Variants in BMERB1 observed in about 807,000 individuals in gnomAD.
BMERB1 encodes bMERB domain-containing protein 1.
A neutral mutation model predicts 23.6 loss-of-function variants in BMERB1; 12 were observed. The ratio of observed to expected loss-of-function variants is 0.51; its 90% CI spans 0.33 to 0.82. BMERB1 has a LOEUF of 0.82. Ranked by LOEUF, BMERB1 falls within the 40% of genes least tolerant of loss-of-function variation. The pLI is 0.03. For synonymous variants in BMERB1, 122 were observed against 96.6 expected (o/e 1.26, Z -1.54); for missense variants, 247 against 255.4 (o/e 0.97, Z 0.22).
At chr16:15,559,949 C>CA (rs1046641467) in intron 2 of BMERB1, among the ~76,000 whole-genome samples, 34 of 152,018 alleles carry the variant, frequency 2.2e-4, no homozygotes, top group East Asian at 7.7e-4. Context: ...AAATCACACA[C>CA]AAAAAAAATC....
At position 15,531,714 on chromosome 16, in the gene BMERB1, C is replaced by T. The variant is rs75171873; in HGVS notation, c.230+16286C>T. On this transcript the variant is annotated intron_variant, in intron 2 of 5. Coordinates refer to ENST00000300006, the MANE Select transcript of BMERB1 (RefSeq NM_033201.3). ...ATAGATACCAGTAAATTGCATGTAC[C>T]GTGGCCTGGCGATTAAGGGTTTTTC... Among the ~76,000 whole-genome samples the T allele has an allele frequency of 1.7e-3, 257 of 152,228 alleles. 5 individuals carry two copies. In the East Asian group the frequency reaches 0.026, roughly 16 times the overall value.
chr16:15,530,513 A>G (rs1168515450), intron 2 of BMERB1, among the ~76,000 whole-genome samples: 1 of 152,184 alleles, frequency 6.6e-6, no homozygotes, highest in Non-Finnish European at 1.5e-5. Context: ...GGCTCAAACA[A>G]TCTTACTGCC....
intron 1 of BMERB1, among the ~76,000 whole-genome samples, chr16:15,438,252 A>C (rs1266058571): frequency 1.3e-5 from 2 of 150,410 alleles, no homozygotes; most frequent in African/African-American, 2.4e-5. Flanking sequence ...ACGCTCAACT[A>C]ATTTTTGTAG....
At chr16:15,441,804 G>A (rs1278627605) in intron 1 of BMERB1, among the ~76,000 whole-genome samples, 1 of 152,196 alleles carries the variant, frequency 6.6e-6, no homozygotes, top group Non-Finnish European at 1.5e-5. Flanking sequence ...CTACAGGCAA[G>A]AGCCACTGCG....
chr16:15,504,077 T>G (rs1175141952), intron 1 of BMERB1, among the ~76,000 whole-genome samples: 1 of 152,206 alleles, frequency 6.6e-6, no homozygotes, highest in African/African-American at 2.4e-5. Context: ...GAGATGGGTA[T>G]GCTTGTTCCC....
chr16:15,456,058 T>C (rs911882723), intron 1 of BMERB1, among the ~76,000 whole-genome samples: 7 of 152,172 alleles, frequency 4.6e-5, no homozygotes, highest in Admixed American at 3.9e-4. Context: ...CTTTTAAAAA[T>C]CTTTTTAAAG....
At chr16:15,514,116 T>A (rs1430277725) in intron 1 of BMERB1, among the ~76,000 whole-genome samples, 1 of 151,082 alleles carries the variant, frequency 6.6e-6, no homozygotes, top group Non-Finnish European at 1.5e-5. Context: ...TACAAAAAAA[T>A]AAAAATTAAA....
rs777811579 is a variant in BMERB1 at position 15,586,789 on chromosome 16, TC to T, written c.576del (p.Lys193ArgfsTer32). The T allele has an allele frequency of 6.2e-7, 1 of 1,611,756 alleles. No homozygotes were observed. The highest frequency in any genetic ancestry group is 8.5e-7 in the Non-Finnish European group (1 of 1,179,366). ...GTGGCCAAGACGGGGCTGGCACTGA[TC>T]AAGGATTGTTGCGGGGCCACCCAGT... ...PTVAKTGLAL[I>X]KDCCGATQCN... On this transcript the variant is annotated frameshift_variant, in exon 6 of 6. Transcript: ENST00000300006. LOFTEE classifies it high-confidence loss of function.
Position 15,586,898 on chromosome 16 carries a change from A to C in BMERB1, c.*69A>C, listed in dbSNP as rs2031161932. On this transcript the variant is annotated 3_prime_UTR_variant, in exon 6 of 6. Transcript: ENST00000300006. ...CTCTTGTCTTTATAGCCCCCATTTC[A>C]CCGGGGCCCAAGAGCTCTCCAAGGC... The C allele has an allele frequency of 9.6e-7, 1 of 1,037,634 alleles. No homozygotes were observed. Among genetic ancestry groups the C allele is most frequent in the African/African-American group, 1.7e-5 (1 of 59,598 alleles). The allele number at this position is 1,037,634 out of a possible 1,614,324, so 64.3% of individuals were successfully genotyped here.
intron 1 of BMERB1, among the ~76,000 whole-genome samples, chr16:15,441,899 A>G (rs1259438847): frequency 6.6e-6 from 1 of 152,178 alleles, no homozygotes; most frequent in Non-Finnish European, 1.5e-5. Context: ...TGATCAATGC[A>G]AGCAGCATTT....
At chr16:15,549,731 C>G (rs2030028089) in intron 2 of BMERB1, among the ~76,000 whole-genome samples, 1 of 151,238 alleles carries the variant, frequency 6.6e-6, no homozygotes. Context: ...GCCAGTTGGT[C>G]ACATGAAACA....
intron 1 of BMERB1, among the ~76,000 whole-genome samples, chr16:15,435,725 T>C (rs1377835804): frequency 6.6e-6 from 1 of 152,196 alleles, no homozygotes; most frequent in African/African-American, 2.4e-5. Context: ...GTGAATGTGA[T>C]CTTATTCTGT....
intron 2 of BMERB1, among the ~76,000 whole-genome samples, chr16:15,556,346 G>A (rs2030258290): frequency 6.6e-6 from 1 of 152,062 alleles, no homozygotes; most frequent in African/African-American, 2.4e-5. Flanking sequence ...ACCGTGGGCT[G>A]CCTGCACCAC....
chr16:15,524,511 T>G (rs1318144964), intron 2 of BMERB1, among the ~76,000 whole-genome samples: 5 of 152,162 alleles, frequency 3.3e-5, no homozygotes, highest in African/African-American at 1.2e-4. Context: ...CTCATACCTG[T>G]AATCCCAGCA....
At chr16:15,439,859 A>T (rs2050924285) in intron 1 of BMERB1, among the ~76,000 whole-genome samples, 1 of 152,132 alleles carries the variant, frequency 6.6e-6, no homozygotes, top group Admixed American at 6.5e-5. Flanking sequence ...CCATTTCTTG[A>T]TAGATTTGTA....
chr16:15,501,560 C>T (rs1027035184), intron 1 of BMERB1, among the ~76,000 whole-genome samples: 16 of 152,104 alleles, frequency 1.1e-4, no homozygotes, highest in African/African-American at 2.7e-4. Flanking sequence ...CTGCAACCTC[C>T]GCCTCCCCAG....
At chr16:15,454,687 G>T (rs559910746) in intron 1 of BMERB1, among the ~76,000 whole-genome samples, 5 of 152,202 alleles carry the variant, frequency 3.3e-5, no homozygotes, top group Non-Finnish European at 7.4e-5. Context: ...AGCTACTCAG[G>T]AGGCTGAGGC....
chr16:15,550,090 C>T (rs1316378672), intron 2 of BMERB1, among the ~76,000 whole-genome samples: 1 of 151,876 alleles, frequency 6.6e-6, no homozygotes, highest in Non-Finnish European at 1.5e-5. Flanking sequence ...GCTGGGACTA[C>T]AAGCACCTAC....
intron 1 of BMERB1, among the ~76,000 whole-genome samples, chr16:15,509,391 G>T (rs1020309257): frequency 2.0e-5 from 3 of 151,826 alleles, no homozygotes; most frequent in African/African-American, 7.3e-5. Flanking sequence ...GCAATGATCT[G>T]GCTGTGTGAT....
Sources: gnomAD v4.1 joint callset for allele counts (sites outside exome capture counted in the v4.1 genomes callset) on GRCh38, gnomAD v4.1.1 for gene constraint, MANE v1.5 for transcripts, NCBI Gene and HGNC (gene_info 2026-07-23, HGNC 2026-07-21) for gene names.